HECTD4: variants seen among roughly 807,000 people sequenced by gnomAD.
HECTD4 encodes probable E3 ubiquitin-protein ligase HECTD4.
HECTD4 carries 114 observed loss-of-function variants against 471.5 expected under a neutral mutation model. The ratio of observed to expected loss-of-function variants is 0.24; its 90% CI spans 0.21 to 0.28. The LOEUF is 0.28. Ranked by LOEUF, HECTD4 falls within the 10% of genes least tolerant of loss-of-function variation. The probability of loss-of-function intolerance (pLI) is 1.00; values close to 1 mark genes in which losing one functional copy is unlikely to be tolerated. For synonymous variants in HECTD4, 2,012 were observed against 2,256.0 expected (o/e 0.89, Z 3.07); for missense variants, 3,866 against 5,651.5 (o/e 0.68, Z 10.13).
rs1366258793 is a variant in HECTD4 at position 112,190,976 on chromosome 12, C to G, written c.9293-11G>C. ...GAGGTGGAGACACCCCTGCAAGAAGCACCCAGGAAGAAAGCAGATGATTGG... is the reference window on the plus strand; with the variant it reads ...GAGGTGGAGACACCCCTGCAAGAAGGACCCAGGAAGAAAGCAGATGATTGG... On this transcript the variant is annotated splice_polypyrimidine_tract_variant and intron_variant, in intron 59 of 75. Coordinates refer to ENST00000682272, the MANE Select transcript of HECTD4 (RefSeq NM_001388303.1). 7 of 1,546,228 alleles carry G rather than the reference C, an allele frequency of 4.5e-6. No individual in the cohort carries two copies. The highest frequency in any genetic ancestry group is 6.1e-6 in the Non-Finnish European group (7 of 1,144,324).
At chr12:112,220,735 T>A (rs1162271669) in intron 44 of HECTD4, among the ~76,000 whole-genome samples, 6 of 152,120 alleles carry the variant, frequency 3.9e-5, no homozygotes, top group Non-Finnish European at 2.9e-5. Context: ...AGGCAGAGGT[T>A]GCAGTGAGCT....
At position 112,193,606 on chromosome 12, in the gene HECTD4, A is replaced by C; in HGVS notation, c.8818T>G (p.Cys2940Gly). The change falls in exon 57 of 76, where the codon TGC becomes GGC. Residue 2940 changes from cysteine (C) to glycine (G), a missense_variant. Physicochemically the swap from Cys to Gly is radical, Grantham distance 159. Around this residue, in one of 16 missense-constraint regions of HECTD4, gnomAD observed 364 missense variants for 413.2 expected, o/e 0.88. Transcript: ENST00000682272. This position sits in a 1 kb window ranked among gnomAD's most constrained non-coding sequence, Gnocchi z 5.2. ...SLQHCIHSQNCSATDLFYQGN... is the reference protein window; with the variant it reads ...SLQHCIHSQNGSATDLFYQGN... ...TGGTAAAAGAGGTCCGTGGCGGAGC[A>C]GTTCTGGGAATGGATGCAATGCTGT... The C allele has an allele frequency of 6.2e-7, 1 of 1,613,238 alleles. No homozygotes were observed. Among genetic ancestry groups the C allele is most frequent in the Non-Finnish European group, 8.5e-7 (1 of 1,179,610 alleles).
intron 7 of HECTD4, among the ~76,000 whole-genome samples, chr12:112,290,014 TA>T (rs1174195217): frequency 6.6e-6 from 1 of 152,114 alleles, no homozygotes; most frequent in African/African-American, 2.4e-5. Context: ...GTTAATGTTT[TA>T]AGTTCTAGCA....
intron 8 of HECTD4, among the ~76,000 whole-genome samples, chr12:112,282,157 G>A (rs888977085): frequency 6.6e-6 from 1 of 152,162 alleles, no homozygotes; most frequent in African/African-American, 2.4e-5. Context: ...GCCAAGGTGG[G>A]CGGATCACGA....
Position 112,250,181 on chromosome 12 carries a change from A to C in HECTD4, c.3913T>G (p.Ser1305Ala), listed in dbSNP as rs1165217893. 4 of 1,613,878 alleles carry C rather than the reference A, an allele frequency of 2.5e-6. No individual in the cohort carries two copies. In the African/African-American group the frequency reaches 5.3e-5, roughly 22 times the overall value. Residue 1305 changes from serine (S) to alanine (A), a missense_variant, in exon 25 of 76, where the codon TCT (serine) becomes GCT (alanine). This residue lies in a region of HECTD4 where 281 missense variants were observed against 499.9 expected (regional missense o/e 0.56). Transcript: ENST00000682272. ...PGIMIKLREI[S>A]GRARPQFRPS... ...CTAAATTGAGGTCTAGCACGCCCAGAAATTTCCCTGAGCTTTATCATGATT... is the reference window on the plus strand; with the variant it reads ...CTAAATTGAGGTCTAGCACGCCCAGCAATTTCCCTGAGCTTTATCATGATT...
intron 18 of HECTD4, among the ~76,000 whole-genome samples, 185 bp from the exon 19 acceptor site, chr12:112,259,450 C>A (rs1330610483): frequency 1.3e-5 from 2 of 150,862 alleles, no homozygotes; most frequent in Non-Finnish European, 3.0e-5. Flanking sequence ...AGGGGAAGAA[C>A]AGAAATAAAG....
In HECTD4 at chr12:112,204,544, G is replaced by A. The variant is rs2032519728; in HGVS notation, c.8211C>T (p.Pro2737=). The A allele has an allele frequency of 3.1e-6, 5 of 1,613,350 alleles. No individual in the cohort carries two copies. Among genetic ancestry groups the A allele is most frequent in the Non-Finnish European group, 4.2e-6 (5 of 1,179,340 alleles). The change falls in exon 53 of 76, where the codon CCC becomes CCT. Residue 2737 remains proline (P), a synonymous_variant. Transcript: ENST00000682272. ...NGGIPRDLYL[P]TIEDIKDEAN... is the part of the protein sequence containing the mutation. ...CTTCGTCTTTAATGTCTTCAATGGT[G>A]GGAAGATAAAGGTCTCTTGGGATGC...
At chr12:112,354,133 C>T (rs1205979449) in intron 1 of HECTD4, among the ~76,000 whole-genome samples, 2 of 152,024 alleles carry the variant, frequency 1.3e-5, no homozygotes, top group Non-Finnish European at 2.9e-5. Context: ...AGTGCAGTGG[C>T]GTGAACACAG....
chr12:112,286,812 G>A (rs1015624117), intron 7 of HECTD4, among the ~76,000 whole-genome samples: 5 of 152,154 alleles, frequency 3.3e-5, no homozygotes, highest in Admixed American at 2.6e-4. Context: ...AAGGGCCAAT[G>A]TCTGCTGACC....
chr12:112,323,833 AG>A (rs1164044389), intron 1 of HECTD4, among the ~76,000 whole-genome samples: 1 of 151,954 alleles, frequency 6.6e-6, no homozygotes, highest in African/African-American at 2.4e-5. Context: ...ATTAAATAAA[AG>A]GAAAAAAATT....
Position 112,185,126 on chromosome 12 carries a change from C to T in HECTD4, c.9840G>A (p.Val3280=). ...PTNMSVTASG[V]TSATAPNLSD... is the part of the protein sequence containing the mutation. ...TGAGATTTGGGGCGGTCGCTGAGGT[C>T]ACCCCACTGGCTGTGACACTCATGT... The change falls in exon 61 of 76, where the codon GTG becomes GTA. Residue 3280 remains valine (V), a synonymous_variant. Transcript: ENST00000682272. 1 of 1,557,266 alleles carries T rather than the reference C, an allele frequency of 6.4e-7. No homozygotes were observed. The highest frequency in any genetic ancestry group is 8.7e-7 in the Non-Finnish European group (1 of 1,149,998).
chr12:112,171,094 CCAGGG>C lies in HECTD4; in HGVS notation c.11932+18_11932+22del. On this transcript the variant is annotated intron_variant, in intron 68 of 75. Transcript: ENST00000682272. Reference sequence around the variant, plus strand: ...AGGTCACCTCTCTCTTCCTGCAGGGCCAGGGCAGGTGCAGGCACTGACCTTTGGCC... The same window carrying C: ...AGGTCACCTCTCTCTTCCTGCAGGGCCAGGTGCAGGCACTGACCTTTGGCC... 1.3e-6 allele frequency: 2 copies of C among 1,592,526 alleles called. No individual in the cohort carries two copies. Among genetic ancestry groups the C allele is most frequent in the Non-Finnish European group, 1.7e-6 (2 of 1,164,114 alleles).
intron 38 of HECTD4, among the ~76,000 whole-genome samples, chr12:112,232,410 G>T (rs903083910): frequency 1.1e-4 from 17 of 152,180 alleles, no homozygotes; most frequent in African/African-American, 4.1e-4. Context: ...GATTACAGGC[G>T]TGAGCCACAG....
intron 70 of HECTD4, among the ~76,000 whole-genome samples, chr12:112,168,541 C>T (rs2031076094): frequency 6.6e-6 from 1 of 152,194 alleles, no homozygotes; most frequent in Non-Finnish European, 1.5e-5. Context: ...GAGCTCTGAG[C>T]ACAGCTGTGC....
chr12:112,198,113 G>A (rs1176610201), intron 55 of HECTD4, among the ~76,000 whole-genome samples: 1 of 152,222 alleles, frequency 6.6e-6, no homozygotes, highest in Admixed American at 6.5e-5. Context: ...GGGATTACAG[G>A]TGCAAGCCGC....
chr12:112,197,555 C>A, intron 55 of HECTD4, among the ~76,000 whole-genome samples: 1 of 152,176 alleles, frequency 6.6e-6, no homozygotes, highest in East Asian at 1.9e-4. Context: ...AAAATCTGTG[C>A]CAGGACCAGA....
Position 112,163,582 on chromosome 12 carries a change from C to A in HECTD4, c.12857G>T (p.Arg4286Leu). 1 of 1,511,086 alleles carries A rather than the reference C, an allele frequency of 6.6e-7. No homozygotes were observed. The allele number at this position is 1,511,086 out of a possible 1,614,324, so 93.6% of individuals were successfully genotyped here. A position where few individuals can be genotyped will look rare whatever the true frequency, so the allele number is the denominator to read the frequency against. The stretch of plus-strand genomic sequence containing the variant: ...GTTGATGTAGGGGAGGCCGCAGGTG[C>A]GCAGCTCCATCTCCAGTGGGCTGAG... Reference protein sequence around the residue: ...TMLSPLEMELRTCGLPYINLE... With the variant: ...TMLSPLEMELLTCGLPYINLE... Residue 4286 changes from arginine to leucine, a missense_variant, in exon 74 of 76, where the codon CGC (arginine) becomes CTC (leucine). Physicochemically the swap from Arg to Leu is moderately radical, Grantham distance 102. Coordinates refer to ENST00000682272, the MANE Select transcript of HECTD4 (RefSeq NM_001388303.1). The surrounding 1 kb of genome is among the most constrained non-coding windows in gnomAD (Gnocchi z 8.2).
chr12:112,260,219 A>G (rs563071308), intron 18 of HECTD4, among the ~76,000 whole-genome samples: 3 of 152,226 alleles, frequency 2.0e-5, no homozygotes, highest in Non-Finnish European at 1.5e-5. Flanking sequence ...TATCTTTAAA[A>G]TCACATTCTT....
intron 58 of HECTD4, 60 bp from the exon 59 acceptor site, chr12:112,192,825 C>G: frequency 7.1e-7 from 1 of 1,406,922 alleles, no homozygotes; most frequent in Non-Finnish European, 9.7e-7. Context: ...TGGGGACAGG[C>G]AGCTTTGCCT....
Sources: allele counts gnomAD v4.1 joint callset (sites outside exome capture counted in the v4.1 genomes callset), GRCh38; gene constraint gnomAD v4.1.1; regional missense constraint gnomAD v4.1.1; non-coding constraint Gnocchi (gnomAD v3.1); transcripts MANE v1.5; gene names NCBI Gene and HGNC (gene_info 2026-07-23, HGNC 2026-07-21).